The following PCSK5 variants were observed in gnomAD, a reference collection of about 807,000 sequenced individuals.
The protein encoded by PCSK5 is proprotein convertase subtilisin/kexin type 5.
Under a neutral mutation model 233.2 loss-of-function variants are expected in PCSK5, and 129 were observed. That is an observed-to-expected ratio of 0.55 (90% CI 0.48 to 0.64). The LOEUF is 0.64. Among genes scored for constraint, PCSK5 ranks in the 30% least tolerant of loss-of-function variants. PCSK5 has a pLI of 0.00. For missense variants in PCSK5, 2,076 were observed against 2,430.1 expected, an observed-to-expected ratio of 0.85 and a Z score of 3.06; for synonymous variants, 825 against 879.2, an observed-to-expected ratio of 0.94 and a Z score of 1.09.
At chr9:76,207,791 C>T (rs1825180988) in intron 20 of PCSK5, among the ~76,000 whole-genome samples, 1 of 152,218 alleles carries the variant, frequency 6.6e-6, no homozygotes, top group Middle Eastern at 3.4e-3. Context: ...GTGTGAGCAC[C>T]TGGAAAGTGC....
At chr9:76,004,374 T>G (rs1587485691) in intron 3 of PCSK5, among the ~76,000 whole-genome samples, 1 of 152,178 alleles carries the variant, frequency 6.6e-6, no homozygotes, top group East Asian at 1.9e-4. Flanking sequence ...AGTCCCATTT[T>G]TTGGTGATGT....
At chr9:76,045,570 T>C (rs530098732) in intron 5 of PCSK5, among the ~76,000 whole-genome samples, 1 of 152,338 alleles carries the variant, frequency 6.6e-6, no homozygotes, top group African/African-American at 2.4e-5. Context: ...TTTTCTCCCT[T>C]TGAAAAGGAC....
At chr9:76,187,326 T>C (rs941878944) in intron 17 of PCSK5, among the ~76,000 whole-genome samples, 3 of 152,150 alleles carry the variant, frequency 2.0e-5, no homozygotes, top group Non-Finnish European at 2.9e-5. Context: ...ATGTTTCCAA[T>C]CACACTAGTT....
At chr9:75,926,618 C>T (rs1823502136) in intron 1 of PCSK5, among the ~76,000 whole-genome samples, 1 of 152,208 alleles carries the variant, frequency 6.6e-6, no homozygotes, top group South Asian at 2.1e-4. Flanking sequence ...CACACCCAGG[C>T]TATCACTGAT....
intron 35 of PCSK5, among the ~76,000 whole-genome samples, chr9:76,340,394 C>T (rs1036173914): frequency 1.3e-5 from 2 of 151,976 alleles, no homozygotes; most frequent in Non-Finnish European, 2.9e-5. Context: ...ACCTGTAATC[C>T]CAGCACTTTG....
intron 2 of PCSK5, among the ~76,000 whole-genome samples, chr9:75,948,869 G>A (rs6560476): frequency 0.91 from 138,065 of 152,034 alleles, 62,817 homozygotes; most frequent in African/African-American, 0.96. Flanking sequence ...CACCACAGAT[G>A]TTTTTGAGAG....
intron 10 of PCSK5, among the ~76,000 whole-genome samples, chr9:76,148,728 C>T (rs1486534919): frequency 2.0e-5 from 3 of 152,204 alleles, no homozygotes; most frequent in Non-Finnish European, 2.9e-5. Flanking sequence ...TCTCTCATTT[C>T]TTTCACCATT....
intron 8 of PCSK5, among the ~76,000 whole-genome samples, chr9:76,103,684 T>C (rs1831858404): frequency 1.3e-5 from 2 of 152,182 alleles, no homozygotes; most frequent in Non-Finnish European, 2.9e-5. Flanking sequence ...AAAAACCATC[T>C]GCTACTGATC....
At chr9:76,308,980 G>A (rs1218939183) in intron 29 of PCSK5, among the ~76,000 whole-genome samples, 1 of 152,194 alleles carries the variant, frequency 6.6e-6, no homozygotes, top group Non-Finnish European at 1.5e-5. Context: ...CATTTTGAGA[G>A]GCTGAGGCGG....
intron 1 of PCSK5, among the ~76,000 whole-genome samples, chr9:75,909,561 G>C (rs911964790): frequency 7.9e-5 from 12 of 151,786 alleles, no homozygotes; most frequent in African/African-American, 2.9e-4. Flanking sequence ...CAGGTGTGGT[G>C]GTGGGTGCCT....
intron 5 of PCSK5, among the ~76,000 whole-genome samples, chr9:76,064,699 C>T (rs1303496302): frequency 1.3e-5 from 2 of 148,750 alleles, no homozygotes; most frequent in Non-Finnish European, 3.0e-5. Flanking sequence ...TCAGACGGGG[C>T]GGCCGGGCAG....
chr9:75,960,035 C>T (rs948326128), intron 2 of PCSK5, among the ~76,000 whole-genome samples: 1 of 152,134 alleles, frequency 6.6e-6, no homozygotes, highest in Non-Finnish European at 1.5e-5. Context: ...ACTCATGTGT[C>T]CAACACCAAA....
In PCSK5 at chr9:76,321,461, C is replaced by T. The variant is rs949025837; in HGVS notation, c.3924C>T (p.Ser1308=). The change falls in exon 31 of 38, where the codon AGC becomes AGT. Residue 1308 remains serine (S), a synonymous_variant. Transcript: ENST00000674117. ...AAGACGGCATATGTGAACGCTGTAG[C>T]TCTCCTTGCAGAACATGTGAAGGAA... is the stretch of plus-strand genomic sequence containing the variant. The part of the protein sequence containing the change: ...YAEDGICERC[S]SPCRTCEGNA... 6.2e-7 allele frequency: 1 copy of T among 1,610,464 alleles called. No individual in the cohort carries two copies. The highest frequency in any genetic ancestry group is 8.5e-7 in the Non-Finnish European group (1 of 1,177,770).
At chr9:76,035,569 A>G (rs1490818131) in intron 5 of PCSK5, among the ~76,000 whole-genome samples, 5 of 152,162 alleles carry the variant, frequency 3.3e-5, no homozygotes, top group African/African-American at 9.6e-5. Context: ...TGTATTATTG[A>G]CATGAATAAT....
At chr9:76,160,478 TTTC>T (rs970055649) in intron 12 of PCSK5, among the ~76,000 whole-genome samples, 6 of 152,304 alleles carry the variant, frequency 3.9e-5, no homozygotes, top group Admixed American at 2.6e-4. Flanking sequence ...GAGCAAAAAC[TTTC>T]TTATCAGTGG....
chr9:76,279,588 T>G (rs996966526), intron 24 of PCSK5, among the ~76,000 whole-genome samples: 11 of 151,650 alleles, frequency 7.3e-5, no homozygotes, highest in African/African-American at 1.9e-4. Flanking sequence ...TTTCCTGACT[T>G]TTTAATGATT....
chr9:75,903,624 TA>T (rs1826150191), intron 1 of PCSK5, among the ~76,000 whole-genome samples: 1 of 142,296 alleles, frequency 7.0e-6, no homozygotes, highest in African/African-American at 2.6e-5. Context: ...TATATATATA[TA>T]AAATAAGTAT....
chr9:76,109,089 G>T (rs12347453), intron 9 of PCSK5, among the ~76,000 whole-genome samples: 77,835 of 152,036 alleles, frequency 0.51, 20,333 homozygotes, highest in African/African-American at 0.62. Flanking sequence ...AAAAGTTTGG[G>T]TTTAGCAAGG....
intron 9 of PCSK5, among the ~76,000 whole-genome samples, chr9:76,108,899 G>T (rs1469848138): frequency 6.6e-6 from 1 of 152,228 alleles, no homozygotes; most frequent in Non-Finnish European, 1.5e-5. Context: ...TAAGTCATGT[G>T]TTGGACTGAA....
Sources: gnomAD v4.1 joint callset for allele counts (sites outside exome capture counted in the v4.1 genomes callset) on GRCh38, gnomAD v4.1.1 for gene constraint, MANE v1.5 for transcripts, NCBI Gene and HGNC (gene_info 2026-07-23, HGNC 2026-07-21) for gene names.